Variants in STK10 observed in about 807,000 individuals in gnomAD.
STK10 encodes the protein serine/threonine kinase 10.
STK10 carries 78 observed loss-of-function variants against 113.8 expected under a neutral mutation model. The observed-to-expected ratio is 0.69, with a 90% CI of 0.57 to 0.83. The LOEUF (loss-of-function observed/expected upper bound fraction) is 0.83. STK10 is among the 40% of genes least tolerant of loss of function. STK10 has a pLI of 0.00. For synonymous variants in STK10, 465 were observed against 494.7 expected, an observed-to-expected ratio of 0.94 and a Z score of 0.80; for missense variants, 1,109 against 1,280.1, an observed-to-expected ratio of 0.87 and a Z score of 2.04.
chr5:172,108,879 G>A (rs979825290), intron 4 of STK10, among the ~76,000 whole-genome samples: 3 of 151,936 alleles, frequency 2.0e-5, no homozygotes, highest in South Asian at 2.1e-4. Context: ...CCACCTCCCG[G>A]GTTCCAGCGA....
At chr5:172,056,935 A>AAAG (rs1767791084) in intron 15 of STK10, 1 of 102,652 alleles carries the variant, frequency 9.7e-6, no homozygotes, top group Admixed American at 1.1e-4. Flanking sequence ...GGAAGGAAAG[A>AAAG]AAAGAAAGAA....
intron 1 of STK10, among the ~76,000 whole-genome samples, chr5:172,183,456 CT>C (rs574488817): frequency 1.1e-3 from 151 of 139,718 alleles, no homozygotes; most frequent in Middle Eastern, 3.7e-3. Context: ...GTAAACTTTA[CT>C]TTTTTTTTTT....
intron 2 of STK10, among the ~76,000 whole-genome samples, chr5:172,149,138 G>A (rs1770150875): frequency 6.6e-6 from 1 of 152,154 alleles, no homozygotes; most frequent in Non-Finnish European, 1.5e-5. Flanking sequence ...CTCCACTCCA[G>A]CCTGGGTGAC....
intron 5 of STK10, chr5:172,107,128 G>GA (rs1769132967): frequency 6.7e-6 from 2 of 297,556 alleles, no homozygotes; most frequent in Non-Finnish European, 1.3e-5. Flanking sequence ...AAAAAAAGGG[G>GA]CGTGGAGGTG....
chr5:172,077,502 C>T (rs1365526260), intron 12 of STK10, among the ~76,000 whole-genome samples: 1 of 152,140 alleles, frequency 6.6e-6, no homozygotes, highest in African/African-American at 2.4e-5. Flanking sequence ...CCATCAAGTC[C>T]CTTCTTACAG....
At chr5:172,186,150 T>C (rs1011875877) in intron 1 of STK10, among the ~76,000 whole-genome samples, 16 of 152,112 alleles carry the variant, frequency 1.1e-4, no homozygotes, top group Non-Finnish European at 1.5e-5. Flanking sequence ...GGTGTGTGCC[T>C]GCAATCCCAG....
intron 1 of STK10, among the ~76,000 whole-genome samples, chr5:172,178,838 T>C (rs1770803795): frequency 6.6e-6 from 1 of 152,182 alleles, no homozygotes; most frequent in South Asian, 2.1e-4. Flanking sequence ...CTGGAGCCAT[T>C]ATGCCTCCCT....
At position 172,110,689 on chromosome 5, in the gene STK10, G is replaced by A. The variant is rs1769219587; in HGVS notation, c.521-2837C>T. ...CCGGGGGTGGAAGCAGATAAGGCAGGAGACGGGCAGGGCAGTTACAAAGCC... is the reference window on the plus strand; with the variant it reads ...CCGGGGGTGGAAGCAGATAAGGCAGAAGACGGGCAGGGCAGTTACAAAGCC... On this transcript the variant is annotated intron_variant, in intron 4 of 18. Transcript: ENST00000176763. 2.6e-5 allele frequency among the ~76,000 whole-genome samples: 4 copies of A among 152,156 alleles called. No homozygotes were observed. The South Asian group carries it at 8.3e-4, about 32-fold the overall frequency.
intron 2 of STK10, among the ~76,000 whole-genome samples, chr5:172,134,779 C>T (rs1049044794): frequency 7.4e-5 from 11 of 148,528 alleles, no homozygotes; most frequent in African/African-American, 2.2e-4. Flanking sequence ...TTTTCATTAG[C>T]GGGGTATGGT....
chr5:172,158,898 A>T (rs1054398590), intron 1 of STK10, among the ~76,000 whole-genome samples: 1 of 152,106 alleles, frequency 6.6e-6, no homozygotes, highest in Non-Finnish European at 1.5e-5. Flanking sequence ...GGAAATGGGG[A>T]GTTATTGTTT....
Position 172,152,870 on chromosome 5 carries a change from T to G in STK10, c.321+3754A>C, listed in dbSNP as rs567016948. 3.3e-5 allele frequency among the ~76,000 whole-genome samples: 5 copies of G among 152,360 alleles called. No homozygotes were observed. The South Asian group carries it at 6.2e-4, about 19-fold the overall frequency. On this transcript the variant is annotated intron_variant, in intron 2 of 18. Transcript: ENST00000176763. ...AAAAAGTAAAATAGCTCAATAACTC[T>G]TTCAATGGATCACATGTCAAAATGA...
intron 18 of STK10, among the ~76,000 whole-genome samples, chr5:172,048,355 C>A (rs931837801): frequency 2.0e-5 from 3 of 150,984 alleles, no homozygotes; most frequent in Admixed American, 6.6e-5. Flanking sequence ...TTACCAGCCC[C>A]CACAATCGTG....
In STK10 at chr5:172,064,869, G is replaced by A. The variant is rs889700155; in HGVS notation, c.1990-57C>T. ...CAGGGTCCTCTCCATGCTTCCTACA[G>A]TATAATCTTCAACGCAGAACCCCCG... On this transcript the variant is annotated intron_variant, in intron 12 of 18. Transcript: ENST00000176763. 12 of 1,583,626 alleles carry A rather than the reference G, an allele frequency of 7.6e-6. No individual in the cohort carries two copies. In the African/African-American group the frequency reaches 1.6e-4, roughly 21 times the overall value.
intron 7 of STK10, among the ~76,000 whole-genome samples, chr5:172,098,794 C>G (rs1003554245): frequency 6.6e-6 from 1 of 152,126 alleles, no homozygotes; most frequent in Non-Finnish European, 1.5e-5. Flanking sequence ...GTTTGCTCAT[C>G]TATATATTAG....
At chr5:172,108,936 C>T (rs918509467) in intron 4 of STK10, among the ~76,000 whole-genome samples, 4 of 151,926 alleles carry the variant, frequency 2.6e-5, no homozygotes, top group East Asian at 2.0e-4. Context: ...AGGCATGTGC[C>T]GACATGCCCA....
intron 4 of STK10, among the ~76,000 whole-genome samples, chr5:172,117,158 G>A (rs12110143): frequency 0.19 from 28,110 of 151,384 alleles, 3,637 homozygotes; most frequent in African/African-American, 0.37. Flanking sequence ...AGGTGCCTGT[G>A]ATCCCAGCTA....
intron 2 of STK10, among the ~76,000 whole-genome samples, chr5:172,149,309 T>C (rs986541278): frequency 2.0e-5 from 3 of 152,202 alleles, no homozygotes; most frequent in African/African-American, 7.2e-5. Flanking sequence ...CTTCCTTTTG[T>C]TACCACCCCC....
chr5:172,064,932 G>A (rs1768036315), intron 12 of STK10, 120 bp from the exon 13 acceptor site: 9 of 1,077,422 alleles, frequency 8.4e-6, no homozygotes, highest in South Asian at 1.5e-5. Context: ...GCTTTGCAGC[G>A]GCCAGCACCC....
At position 172,121,283 on chromosome 5, in the gene STK10, G is replaced by A. The variant is rs376271724; in HGVS notation, c.371-3653C>T. Among the ~76,000 whole-genome samples, 10 of 151,892 alleles carry A rather than the reference G, an allele frequency of 6.6e-5. No individual in the cohort carries two copies. The East Asian group carries it at 7.8e-4, about 12-fold the overall frequency. On this transcript the variant is annotated intron_variant, in intron 3 of 18. Transcript: ENST00000176763. ...TGACCTCAGGTGATCCACCCGCCTC[G>A]GCCTCCCAAAGTGCTGGGATTATAT...
Sources: allele counts gnomAD v4.1 joint callset (sites outside exome capture counted in the v4.1 genomes callset), GRCh38; gene constraint gnomAD v4.1.1; transcripts MANE v1.5; gene names NCBI Gene and HGNC (gene_info 2026-07-23, HGNC 2026-07-21).